The following SULF1 variants were observed in gnomAD, a reference collection of about 807,000 sequenced individuals.
SULF1 encodes extracellular sulfatase Sulf-1.
SULF1 carries 46 observed loss-of-function variants against 110.5 expected under a neutral mutation model. The observed-to-expected ratio is 0.42, with a 90% CI of 0.33 to 0.53. The LOEUF (loss-of-function observed/expected upper bound fraction) is 0.53. Ranked by LOEUF, SULF1 falls within the 20% of genes least tolerant of loss-of-function variation. SULF1 has a pLI of 0.12. For missense variants in SULF1, 941 were observed against 1,094.2 expected, an observed-to-expected ratio of 0.86 and a Z score of 1.98; for synonymous variants, 371 against 387.1, an observed-to-expected ratio of 0.96 and a Z score of 0.49.
intron 1 of SULF1, among the ~76,000 whole-genome samples, chr8:69,470,482 C>T (rs1563451917): frequency 6.6e-6 from 1 of 151,980 alleles, no homozygotes; most frequent in African/African-American, 2.4e-5. Flanking sequence ...TTTTTCCCCT[C>T]TCATATTTTC....
At chr8:69,582,401 A>T (rs1032477012) in intron 6 of SULF1, among the ~76,000 whole-genome samples, 1 of 152,198 alleles carries the variant, frequency 6.6e-6, no homozygotes, top group South Asian at 2.1e-4. Context: ...GCTAATGGTG[A>T]TGCTAATAAC....
chr8:69,487,980 A>C (rs1348584873), upstream of SULF1, among the ~76,000 whole-genome samples: 3 of 152,224 alleles, frequency 2.0e-5, no homozygotes, highest in Non-Finnish European at 2.9e-5. Context: ...CCATAAAGAG[A>C]AGATTAGATC....
chr8:69,616,751 C>A (rs1375897230), intron 13 of SULF1, among the ~76,000 whole-genome samples: 2 of 143,834 alleles, frequency 1.4e-5, no homozygotes, highest in Non-Finnish European at 3.0e-5. Context: ...GAGGGTTTTG[C>A]CACACTGGCC....
chr8:69,638,673 G>A (rs1481618139), intron 20 of SULF1, 29 bp downstream of exon 20: 1 of 1,612,004 alleles, frequency 6.2e-7, no homozygotes. Context: ...ATTTTATGAA[G>A]GTTGTTGAAA....
At position 69,659,236 on chromosome 8, in the gene SULF1, A is replaced by G; in HGVS notation, c.*701A>G. The G allele has an allele frequency of 2.2e-6, 1 of 456,198 alleles. No homozygotes were observed. Among genetic ancestry groups the G allele is most frequent in the South Asian group, 1.6e-5 (1 of 64,440 alleles). The allele number at this position is 456,198 out of a possible 1,614,324, so 28.3% of individuals were successfully genotyped here. On this transcript the variant is annotated 3_prime_UTR_variant, in exon 23 of 23. Coordinates refer to ENST00000402687, the MANE Select transcript of SULF1 (RefSeq NM_001128205.2). ...AAGTAATTCCAGCATAGCGGGGAAG[A>G]TGTTGACCAAGGTGGAGAAGAATCA...
chr8:69,640,159 GA>G (rs1192765920), intron 21 of SULF1, among the ~76,000 whole-genome samples: 2 of 94,318 alleles, frequency 2.1e-5, no homozygotes, highest in South Asian at 3.2e-4. Context: ...AAGAAAGAAA[GA>G]AAAAAAGAAA....
chr8:69,484,061 G>A (rs1809605861), intron 1 of SULF1, among the ~76,000 whole-genome samples: 1 of 152,106 alleles, frequency 6.6e-6, no homozygotes, highest in Non-Finnish European at 1.5e-5. Context: ...AGACTTGCAG[G>A]GGCCAAGGTT....
chr8:69,656,642 G>C (rs1369859805), intron 22 of SULF1, among the ~76,000 whole-genome samples: 1 of 152,160 alleles, frequency 6.6e-6, no homozygotes, highest in Non-Finnish European at 1.5e-5. Flanking sequence ...TCCCTGAATA[G>C]GAAATGATCT....
At chr8:69,635,869 CAA>C (rs763827150) in intron 19 of SULF1, among the ~76,000 whole-genome samples, 10 of 134,094 alleles carry the variant, frequency 7.5e-5, no homozygotes, top group Admixed American at 7.5e-5. Context: ...GAAACTGTCT[CAA>C]AAAAAAAAAA....
At chr8:69,603,052 A>T in intron 10 of SULF1, 140 bp from the exon 11 acceptor site, 2 of 1,205,136 alleles carry the variant, frequency 1.7e-6, no homozygotes, top group Non-Finnish European at 2.4e-6. Context: ...CCCTTGCCAC[A>T]CAACTACCCA....
intron 3 of SULF1, among the ~76,000 whole-genome samples, chr8:69,522,929 A>G (rs1180820510): frequency 6.6e-6 from 1 of 152,232 alleles, no homozygotes; most frequent in Non-Finnish European, 1.5e-5. Flanking sequence ...AAAAACAAGA[A>G]ATATGACAAC....
chr8:69,604,759 T>C, intron 12 of SULF1, 44 bp from the exon 13 acceptor site: 2 of 1,611,164 alleles, frequency 1.2e-6, no homozygotes, highest in Non-Finnish European at 1.7e-6. Flanking sequence ...GGACCGTAAT[T>C]CAGATCACTT....
chr8:69,512,925 CTTATTA>C (rs1163213051), intron 3 of SULF1, among the ~76,000 whole-genome samples: 2 of 152,128 alleles, frequency 1.3e-5, no homozygotes, highest in South Asian at 2.1e-4. Context: ...ATTTCCTTAA[CTTATTA>C]TTATTAACAT....
intron 3 of SULF1, among the ~76,000 whole-genome samples, chr8:69,508,109 ATTT>A (rs11341009): frequency 6.8e-6 from 1 of 147,714 alleles, no homozygotes; most frequent in Admixed American, 6.7e-5. Context: ...GATAATTATT[ATTT>A]TTTTTTTTTT....
At chr8:69,503,391 G>A (rs1342930889) in intron 3 of SULF1, among the ~76,000 whole-genome samples, 1 of 152,148 alleles carries the variant, frequency 6.6e-6, no homozygotes, top group Non-Finnish European at 1.5e-5. Context: ...GAGAAGATAA[G>A]TTGAAAGTTA....
rs143420182 is a variant in SULF1, at chr8:69,533,808, C to T, written c.-133-29731C>T. Among the ~76,000 whole-genome samples, 493 of 152,190 alleles carry T rather than the reference C, an allele frequency of 3.2e-3. 3 individuals are homozygous for T. The highest frequency in any genetic ancestry group is 0.011 in the African/African-American group (474 of 41,532). ...GTTGGATCAAATGGTATTTCTGGTT[C>T]TAGAACTCTGAGGAATCAAAATGTG... On this transcript the variant is annotated intron_variant, in intron 3 of 22. Coordinates refer to ENST00000402687, the MANE Select transcript of SULF1 (RefSeq NM_001128205.2).
At chr8:69,495,303 A>G (rs1022047206) in intron 1 of SULF1, among the ~76,000 whole-genome samples, 2 of 152,114 alleles carry the variant, frequency 1.3e-5, no homozygotes, top group South Asian at 4.1e-4. Context: ...GGATCTCATG[A>G]GCCCAGAGGT....
intron 3 of SULF1, among the ~76,000 whole-genome samples, chr8:69,522,199 C>A (rs1318574188): frequency 6.6e-6 from 1 of 151,968 alleles, no homozygotes; most frequent in Non-Finnish European, 1.5e-5. Flanking sequence ...TACAGGTGCC[C>A]ACCACCACAC....
chr8:69,621,510 A>G (rs1289084149), intron 14 of SULF1, among the ~76,000 whole-genome samples: 2 of 152,096 alleles, frequency 1.3e-5, no homozygotes, highest in African/African-American at 4.8e-5. Flanking sequence ...CACACATAAA[A>G]GAGTTTATAA....
Sources: allele counts gnomAD v4.1 joint callset (sites outside exome capture counted in the v4.1 genomes callset), GRCh38; gene constraint gnomAD v4.1.1; transcripts MANE v1.5; gene names NCBI Gene and HGNC (gene_info 2026-07-23, HGNC 2026-07-21).